The following DLG5 variants were observed in gnomAD, a reference collection of about 807,000 sequenced individuals.
DLG5 encodes the protein disks large homolog 5.
Under a neutral mutation model 189.8 loss-of-function variants are expected in DLG5, and 48 were observed. The ratio of observed to expected loss-of-function variants is 0.25; its 90% CI spans 0.20 to 0.32. DLG5 has a LOEUF of 0.32. Among genes scored for constraint, DLG5 ranks in the 10% least tolerant of loss-of-function variants. DLG5 has a pLI of 1.00. For missense variants in DLG5, 2,160 were observed against 2,544.7 expected (o/e 0.85, Z 3.25); for synonymous variants, 1,016 against 1,054.1 (o/e 0.96, Z 0.70).
chr10:77,883,287 G>C (rs1348744518), intron 1 of DLG5, among the ~76,000 whole-genome samples: 1 of 152,172 alleles, frequency 6.6e-6, no homozygotes, highest in Non-Finnish European at 1.5e-5. Context: ...CACAGGTAGG[G>C]AAGAATGGAG....
intron 1 of DLG5, among the ~76,000 whole-genome samples, chr10:77,916,901 T>TAG (rs1286687900): frequency 1.6e-5 from 1 of 62,382 alleles, no homozygotes; most frequent in Non-Finnish European, 2.8e-5. Flanking sequence ...AAATAAAATA[T>TAG]AGAATATATA....
At chr10:77,896,489 C>A (rs1845762551) in intron 1 of DLG5, among the ~76,000 whole-genome samples, 1 of 152,040 alleles carries the variant, frequency 6.6e-6, no homozygotes, top group Non-Finnish European at 1.5e-5. Context: ...CAACTTTTTT[C>A]CAAATGAATC....
Position 77,873,794 on chromosome 10 carries a change from G to A in DLG5, c.305-4597C>T, listed in dbSNP as rs571747252. Among the ~76,000 whole-genome samples, 11 of 152,322 alleles carry A rather than the reference G, an allele frequency of 7.2e-5. No homozygotes were observed. The South Asian group carries it at 1.7e-3, about 23-fold the overall frequency. ...TCCTCCAGAAGGGCCCAGGCAGAAAGGCAGAGAGCTGACGGCTCACGGTCA... is the reference window on the plus strand; with the variant it reads ...TCCTCCAGAAGGGCCCAGGCAGAAAAGCAGAGAGCTGACGGCTCACGGTCA... On this transcript the variant is annotated intron_variant, in intron 1 of 31. Coordinates refer to ENST00000372391, the MANE Select transcript of DLG5 (RefSeq NM_004747.4).
Position 77,817,833 on chromosome 10 carries a change from T to G in DLG5, c.3728A>C (p.Tyr1243Ser), listed in dbSNP as rs753463310. The G allele has an allele frequency of 7.3e-5, 114 of 1,554,258 alleles. No individual in the cohort carries two copies. The highest frequency in any genetic ancestry group is 9.2e-5 in the Non-Finnish European group (106 of 1,148,568). The change falls in exon 18 of 32, where the codon TAC becomes TCC. Residue 1243 changes from tyrosine (Y) to serine (S), a missense_variant. Coordinates refer to ENST00000372391, the MANE Select transcript of DLG5 (RefSeq NM_004747.4). ...CCCATGGGTGGCTCTCATCTCGGAG[T>G]AGTCGCTGCAGGTCCTGTGGCTCAG... ...LDLSHRTCSDYSEMRATHGSN... is the reference protein window; with the variant it reads ...LDLSHRTCSDSSEMRATHGSN...
Position 77,919,584 on chromosome 10 carries a change from CTTTTTTTTTTT to C in DLG5, c.304+6622_304+6632del, listed in dbSNP as rs71030919. Among the ~76,000 whole-genome samples the C allele has an allele frequency of 1.5e-4, 10 of 67,732 alleles. No homozygotes were observed. The Admixed American group carries it at 1.5e-3, about 10-fold the overall frequency. 44.4% of individuals were successfully genotyped at this position (67,732 alleles called of 152,430 possible). A position where few individuals can be genotyped will look rare whatever the true frequency, so the allele number is the denominator to read the frequency against. On this transcript the variant is annotated intron_variant, in intron 1 of 31. Coordinates refer to ENST00000372391, the MANE Select transcript of DLG5 (RefSeq NM_004747.4). ...TTAGGAACAGATCTCCAGTTCAGGGCTTTTTTTTTTTTTTTTTTTTTTTTTTTTAAAGAAAA... is the reference window on the plus strand; with the variant it reads ...TTAGGAACAGATCTCCAGTTCAGGGCTTTTTTTTTTTTTTTTTAAAGAAAA...
chr10:77,806,531 G>A (rs1054640381), intron 26 of DLG5, among the ~76,000 whole-genome samples: 4 of 152,178 alleles, frequency 2.6e-5, no homozygotes, highest in African/African-American at 4.8e-5. Flanking sequence ...TCTAAAACAC[G>A]TTATGCCTTC....
chr10:77,833,542 TGCGAGTGA>T (rs1842975677), intron 9 of DLG5, among the ~76,000 whole-genome samples: 1 of 82,738 alleles, frequency 1.2e-5, no homozygotes, highest in Admixed American at 1.4e-4. Flanking sequence ...AAAAAATCTC[TGCGAGTGA>T]GTGAGTGAGT....
intron 2 of DLG5, chr10:77,868,545 G>A (rs557532728): frequency 1.9e-5 from 5 of 263,708 alleles, no homozygotes; most frequent in Admixed American, 5.1e-5. Context: ...AAAGATGGCC[G>A]GGACTCACCA....
In DLG5 at chr10:77,843,557, C is replaced by T. The variant is rs975758439; in HGVS notation, c.1014G>A (p.Leu338=). The change falls in exon 6 of 32, where the codon CTG becomes CTA. Residue 338 remains leucine, a synonymous_variant. Coordinates refer to ENST00000372391, the MANE Select transcript of DLG5 (RefSeq NM_004747.4). ...GCTGGTTCTCCTCCCCCAGCTGCTCCAGGCGGCTCAGGTCTGCATTGTGGA... is the reference window on the plus strand; with the variant it reads ...GCTGGTTCTCCTCCCCCAGCTGCTCTAGGCGGCTCAGGTCTGCATTGTGGA... ...VAIHNADLSR[L]EQLGEENQRL... The T allele has an allele frequency of 6.2e-7, 1 of 1,614,190 alleles. No homozygotes were observed. Among genetic ancestry groups the T allele is most frequent in the African/African-American group, 1.3e-5 (1 of 75,036 alleles).
At chr10:77,891,569 A>AACAG (rs1845607343) in intron 1 of DLG5, among the ~76,000 whole-genome samples, 1 of 102,442 alleles carries the variant, frequency 9.8e-6, no homozygotes, top group East Asian at 2.9e-4. Flanking sequence ...TCTGTCCCCC[A>AACAG]ACAGACACAC....
intron 1 of DLG5, among the ~76,000 whole-genome samples, chr10:77,897,229 G>T (rs1845787546): frequency 6.6e-6 from 1 of 150,868 alleles, no homozygotes; most frequent in Non-Finnish European, 1.5e-5. Flanking sequence ...AGTGGTGCAT[G>T]CCTGTAAACC....
chr10:77,930,071 A>T (rs905954895), upstream of DLG5, among the ~76,000 whole-genome samples: 1 of 152,120 alleles, frequency 6.6e-6, no homozygotes, highest in African/African-American at 2.4e-5. Flanking sequence ...GAGCCCTTCC[A>T]TGCTCTGGAT....
chr10:77,819,379 C>T lies in DLG5; in HGVS notation c.3613G>A (p.Gly1205Ser), dbSNP rs763486607. 3.1e-6 allele frequency: 5 copies of T among 1,613,920 alleles called. No homozygotes were observed. Among genetic ancestry groups the T allele is most frequent in the African/African-American group, 1.3e-5 (1 of 74,904 alleles). ...GCCGCAGGTGGAGAGCTGCAGGGGC[C>T]GACCCTGTGACTGCGCACAGTGTAG... ...PIYTVRSHRVGPCSSPPAARD... is the reference protein window; with the variant it reads ...PIYTVRSHRVSPCSSPPAARD... The change falls in exon 17 of 32, where the codon GGC (glycine) becomes AGC (serine). Residue 1205 changes from glycine (G) to serine (S), a missense_variant. Gly to Ser is a moderately conservative substitution (Grantham distance 56). Coordinates refer to ENST00000372391, the MANE Select transcript of DLG5 (RefSeq NM_004747.4).
intron 1 of DLG5, among the ~76,000 whole-genome samples, chr10:77,879,848 G>T (rs1224534335): frequency 6.6e-6 from 1 of 151,836 alleles, no homozygotes; most frequent in East Asian, 2.0e-4. Flanking sequence ...GTTCCCGCGG[G>T]GCCTGGTCAT....
rs777609824 is a variant in DLG5 at position 77,796,646 on chromosome 10, T to C, written c.5165-52A>G. 1 of 1,607,018 alleles carries C rather than the reference T, an allele frequency of 6.2e-7. No homozygotes were observed. Among genetic ancestry groups the C allele is most frequent in the South Asian group, 1.1e-5 (1 of 90,814 alleles). On this transcript the variant is annotated intron_variant, in intron 27 of 31. Transcript: ENST00000372391. This position sits in a 1 kb window ranked among gnomAD's most constrained non-coding sequence, Gnocchi z 5.2. The stretch of plus-strand genomic sequence containing the variant: ...CGGACCCAGCTTGGAGTGGAGGACC[T>C]GAGTGGGGCTGGGGAACCCCGCTCC...
chr10:77,839,569 G>C (rs1193692163), intron 7 of DLG5, among the ~76,000 whole-genome samples: 2 of 152,094 alleles, frequency 1.3e-5, no homozygotes, highest in African/African-American at 4.8e-5. Context: ...TATTCCCCAG[G>C]CGTGTGTCTG....
chr10:77,828,355 G>A (rs879387431), intron 13 of DLG5, among the ~76,000 whole-genome samples: 6 of 152,020 alleles, frequency 3.9e-5, no homozygotes, highest in Non-Finnish European at 7.4e-5. Context: ...GCATGGTGGT[G>A]CACACCCTGT....
rs58908767 is a variant in DLG5 at position 77,856,453 on chromosome 10, GACACACACACAC to G, written c.536+265_536+276del. On this transcript the variant is annotated intron_variant, in intron 3 of 31. Coordinates refer to ENST00000372391, the MANE Select transcript of DLG5 (RefSeq NM_004747.4). ...GGCAGGTCTAGGAGACAGTGGTAGG[GACACACACACAC>G]ACACACACACACACGAGCTGACTTT... Among the ~76,000 whole-genome samples the G allele has an allele frequency of 7.6e-3, 1,146 of 149,970 alleles. 15 individuals are homozygous for G. The highest frequency in any genetic ancestry group is 0.017 in the Middle Eastern group (5 of 290).
chr10:77,841,559 A>T (rs1843416848), intron 7 of DLG5, among the ~76,000 whole-genome samples: 1 of 152,194 alleles, frequency 6.6e-6, no homozygotes, highest in Non-Finnish European at 1.5e-5. Context: ...CAAGTCCTTG[A>T]GATATCACTG....
Sources: allele counts gnomAD v4.1 joint callset (sites outside exome capture counted in the v4.1 genomes callset), GRCh38; gene constraint gnomAD v4.1.1; non-coding constraint Gnocchi (gnomAD v3.1); transcripts MANE v1.5; gene names NCBI Gene and HGNC (gene_info 2026-07-23, HGNC 2026-07-21).